The following ESRRB variants were observed in gnomAD, a reference collection of about 807,000 sequenced individuals.
The protein encoded by ESRRB is steroid hormone receptor ERR2.
A neutral mutation model predicts 46.0 loss-of-function variants in ESRRB; 16 were observed. The ratio of observed to expected loss-of-function variants is 0.35; its 90% confidence interval spans 0.24 to 0.53. ESRRB has a LOEUF of 0.53. Among genes scored for constraint, ESRRB ranks in the 20% least tolerant of loss-of-function variants. The pLI is 0.93. For synonymous variants in ESRRB, 246 were observed against 259.6 expected, an observed-to-expected ratio of 0.95 and a Z score of 0.50; for missense variants, 488 against 607.4, an observed-to-expected ratio of 0.80 and a Z score of 2.07.
chr14:76,376,364 G>A lies in ESRRB; in HGVS notation c.-38G>A, dbSNP rs548347761. The A allele has an allele frequency of 2.4e-5, 29 of 1,228,104 alleles. No individual in the cohort carries two copies. The highest frequency in any genetic ancestry group is 2.9e-5 in the Non-Finnish European group (29 of 984,854). The allele number at this position is 1,228,104 out of a possible 1,614,324, so 76.1% of individuals were successfully genotyped here. ...CGCTCTTCCGCGTGATTTCCCCGCC[G>A]TCTTTCTCTACCAACTGGGAATGCT... On this transcript the variant is annotated 5_prime_UTR_variant, in exon 1 of 7. Coordinates refer to ENST00000644823, the MANE Select transcript of ESRRB (RefSeq NM_001379180.1). The surrounding 1 kb of genome is among the most constrained non-coding windows in gnomAD (Gnocchi z 4.1).
chr14:76,400,953 C>G (rs1482634835), intron 1 of ESRRB, among the ~76,000 whole-genome samples: 1 of 152,088 alleles, frequency 6.6e-6, no homozygotes, highest in Non-Finnish European at 1.5e-5. Context: ...TCTCGCTCTC[C>G]CTGATTGTGC....
chr14:76,497,037 T>C (rs1890457792), intron 6 of ESRRB, among the ~76,000 whole-genome samples: 1 of 152,118 alleles, frequency 6.6e-6, no homozygotes, highest in South Asian at 2.1e-4. Flanking sequence ...CTGCCAATTT[T>C]GTCCTCCTTG....
At chr14:76,374,960 G>A (rs1884712827), upstream of ESRRB, among the ~76,000 whole-genome samples, 1 of 152,052 alleles carries the variant, frequency 6.6e-6, no homozygotes, top group African/African-American at 2.4e-5. Flanking sequence ...CCCCTCCTGG[G>A]GTTTCTCACA....
chr14:76,470,059 T>A (rs2140007650), intron 3 of ESRRB, among the ~76,000 whole-genome samples: 1 of 147,944 alleles, frequency 6.8e-6, no homozygotes, highest in Admixed American at 6.8e-5. Context: ...GAGATTCTCC[T>A]GCCTCAGCCT....
chr14:76,362,719 C>T (rs150222331), intron 1 of ESRRB, among the ~76,000 whole-genome samples: 1 of 152,300 alleles, frequency 6.6e-6, no homozygotes, highest in African/African-American at 2.4e-5. Context: ...CCAACGCATG[C>T]TCCGGGGAGA....
At chr14:76,470,325 C>T (rs1318031906) in intron 3 of ESRRB, among the ~76,000 whole-genome samples, 2 of 152,186 alleles carry the variant, frequency 1.3e-5, no homozygotes, top group Non-Finnish European at 2.9e-5. Context: ...CACCCAGAAG[C>T]CTAAGCAGGA....
At chr14:76,415,329 G>A (rs1886650484) in intron 1 of ESRRB, among the ~76,000 whole-genome samples, 1 of 152,158 alleles carries the variant, frequency 6.6e-6, no homozygotes, top group South Asian at 2.1e-4. Context: ...TGAGTACAGT[G>A]GTAAGCACTT....
intron 1 of ESRRB, among the ~76,000 whole-genome samples, chr14:76,355,933 C>T (rs77537176): frequency 3.7e-4 from 56 of 152,320 alleles, no homozygotes; most frequent in African/African-American, 1.1e-3. Context: ...GATCAGATGA[C>T]CCTCTTCCGC....
chr14:76,342,083 G>A (rs958861308), intron 1 of ESRRB, among the ~76,000 whole-genome samples: 29 of 152,272 alleles, frequency 1.9e-4, no homozygotes, highest in Admixed American at 4.6e-4. Flanking sequence ...GCAGTGATGC[G>A]GGTATACAGA....
intron 1 of ESRRB, among the ~76,000 whole-genome samples, chr14:76,418,101 G>A (rs952759048): frequency 2.6e-5 from 4 of 151,782 alleles, no homozygotes; most frequent in East Asian, 1.9e-4. Flanking sequence ...GATTACAGAC[G>A]CCCGCCACCA....
intron 1 of ESRRB, among the ~76,000 whole-genome samples, chr14:76,365,353 C>T (rs751486506): frequency 6.6e-6 from 1 of 152,166 alleles, no homozygotes; most frequent in Admixed American, 6.5e-5. Flanking sequence ...GTGGTGCACA[C>T]CTGTGGTCCC....
At chr14:76,398,810 TCAGGTTGCTGAGCTAG>T (rs1420185907) in intron 1 of ESRRB, among the ~76,000 whole-genome samples, 2 of 152,142 alleles carry the variant, frequency 1.3e-5, no homozygotes, top group African/African-American at 4.8e-5. Context: ...TGTGCCTTGC[TCAGGTTGCTGAGCTAG>T]CACACAGTGG....
chr14:76,462,506 C>T (rs372057876), intron 2 of ESRRB, 39 bp from the exon 3 acceptor site: 81 of 1,535,118 alleles, frequency 5.3e-5, no homozygotes, highest in African/African-American at 5.5e-5. Flanking sequence ...GGGCCCTGGG[C>T]GGCCAGCACC....
intron 1 of ESRRB, among the ~76,000 whole-genome samples, chr14:76,381,309 G>T (rs886799974): frequency 1.3e-5 from 2 of 152,126 alleles, no homozygotes; most frequent in South Asian, 2.1e-4. Flanking sequence ...GTAATGGCTG[G>T]CCCGGCAGAT....
chr14:76,495,817 A>G (rs933709057), intron 6 of ESRRB, among the ~76,000 whole-genome samples: 7 of 152,236 alleles, frequency 4.6e-5, no homozygotes, highest in African/African-American at 1.7e-4. Flanking sequence ...ATTTTTATAT[A>G]TAACAGACAT....
chr14:76,385,015 C>G (rs1595067031), intron 1 of ESRRB, among the ~76,000 whole-genome samples: 2 of 152,148 alleles, frequency 1.3e-5, no homozygotes, highest in African/African-American at 2.4e-5. Context: ...CACCTACAGA[C>G]CATGCTCATC....
At chr14:76,492,374 C>T (rs550299697) in intron 6 of ESRRB, among the ~76,000 whole-genome samples, 2 of 152,182 alleles carry the variant, frequency 1.3e-5, no homozygotes, top group South Asian at 4.2e-4. Context: ...ACTATGTTGC[C>T]CAGGTTGGTC....
chr14:76,365,513 C>T (rs2139775466), intron 1 of ESRRB, among the ~76,000 whole-genome samples: 1 of 152,228 alleles, frequency 6.6e-6, no homozygotes, highest in Admixed American at 6.5e-5. Context: ...ACAAGCCCCC[C>T]ACTGAATCTA....
rs778103028 is a variant in ESRRB, at chr14:76,482,558, CT to C, written c.689-36del. Reference sequence around the variant, plus strand: ...GAGCCTCCACCCCGGCCCCTTTCCTCTTTTCCCAGCATTTACCTTTCCCTCT... The same window carrying C: ...GAGCCTCCACCCCGGCCCCTTTCCTCTTTCCCAGCATTTACCTTTCCCTCT... On this transcript the variant is annotated intron_variant, in intron 4 of 6. Transcript: ENST00000644823. This position sits in a 1 kb window ranked among gnomAD's most constrained non-coding sequence, Gnocchi z 4.3. The C allele has an allele frequency of 6.2e-7, 1 of 1,613,268 alleles. No homozygotes were observed. The highest frequency in any genetic ancestry group is 1.1e-5 in the South Asian group (1 of 91,030).
Sources: gnomAD v4.1 joint callset for allele counts (sites outside exome capture counted in the v4.1 genomes callset) on GRCh38, gnomAD v4.1.1 for gene constraint, Gnocchi (gnomAD v3.1) non-coding constraint, MANE v1.5 for transcripts, NCBI Gene and HGNC (gene_info 2026-07-23, HGNC 2026-07-21) for gene names.